Variants in CRYBG2 observed in about 807,000 individuals in gnomAD.
CRYBG2 encodes crystallin beta-gamma domain containing 2, also known as beta/gamma crystallin domain-containing protein 2.
In CRYBG2, 106 loss-of-function variants were observed where a neutral mutation model predicts 153.4. The observed-to-expected ratio is 0.69, with a 90% CI of 0.59 to 0.81. The LOEUF is 0.81. Among genes scored for constraint, CRYBG2 ranks in the 30% least tolerant of loss-of-function variants. The pLI, the probability that CRYBG2 is intolerant of heterozygous loss-of-function variation, is 0.00. For missense variants in CRYBG2, 1,996 were observed against 2,112.0 expected (o/e 0.95, Z 1.08); for synonymous variants, 851 against 877.8 (o/e 0.97, Z 0.54).
At chr1:26,335,943 T>C (rs2074048037) in intron 14 of CRYBG2, 152 bp downstream of exon 14, 1 of 584,460 alleles carries the variant, frequency 1.7e-6, no homozygotes, top group Non-Finnish European at 2.8e-6. Flanking sequence ...GTTTTACATT[T>C]TCCATTAAAA....
intron 5 of CRYBG2, among the ~76,000 whole-genome samples, chr1:26,341,546 G>A (rs2074130518): frequency 6.6e-6 from 1 of 151,966 alleles, no homozygotes; most frequent in Admixed American, 6.6e-5. Flanking sequence ...GAGTGCAATG[G>A]CATGATCTCA....
Position 26,338,491 on chromosome 1 carries a change from A to G in CRYBG2, c.3345-14T>C. On this transcript the variant is annotated splice_polypyrimidine_tract_variant and intron_variant, in intron 6 of 19. Transcript: ENST00000308182. ...TACAGTAGCCACCTAGGGGAAACAGAGAGGCTGCTGCACCCTAGCAGAGAG... is the reference window on the plus strand; with the variant it reads ...TACAGTAGCCACCTAGGGGAAACAGGGAGGCTGCTGCACCCTAGCAGAGAG... 1.3e-6 allele frequency: 2 copies of G among 1,593,498 alleles called. No individual in the cohort carries two copies. Among genetic ancestry groups the G allele is most frequent in the South Asian group, 2.3e-5 (2 of 87,434 alleles).
In CRYBG2 at chr1:26,343,856, C is replaced by A. The variant is rs1298731480; in HGVS notation, c.2802G>T (p.Leu934=). Residue 934 remains leucine, a synonymous_variant, in exon 2 of 20, where the codon CTG becomes CTT. Coordinates refer to ENST00000308182, the MANE Select transcript of CRYBG2 (RefSeq NM_001039775.4). The surrounding 1 kb of genome is among the most constrained non-coding windows in gnomAD (Gnocchi z 4.1). ...EPLGTKLSAL[L]PHGAPGLRKV... ...TCCTGAGCCCCGGTGCCCCATGGGGCAGCAGAGCAGATAGTTTTGTGCCCA... is the reference window on the plus strand; with the variant it reads ...TCCTGAGCCCCGGTGCCCCATGGGGAAGCAGAGCAGATAGTTTTGTGCCCA... 1.5e-5 allele frequency: 22 copies of A among 1,493,960 alleles called. No homozygotes were observed. The highest frequency in any genetic ancestry group is 6.8e-5 in the Admixed American group (3 of 43,986). The allele number at this position is 1,493,960 out of a possible 1,614,324, so 92.5% of individuals were successfully genotyped here.
At chr1:26,322,417 T>G in intron 18 of CRYBG2, 94 bp from the exon 19 acceptor site, 1 of 1,397,372 alleles carries the variant, frequency 7.2e-7, no homozygotes, top group East Asian at 2.4e-5. Flanking sequence ...GAATCCTGGC[T>G]CTTAGGGACT....
rs775383428 is a variant in CRYBG2 at position 26,338,389 on chromosome 1, A to G, written c.3433T>C (p.Ser1145Pro). 1 of 1,612,622 alleles carries G rather than the reference A, an allele frequency of 6.2e-7. No homozygotes were observed. The highest frequency in any genetic ancestry group is 8.5e-7 in the Non-Finnish European group (1 of 1,179,536). The change falls in exon 7 of 20, where the codon TCG becomes CCG. Residue 1145 changes from serine (S) to proline (P), a missense_variant. Coordinates refer to ENST00000308182, the MANE Select transcript of CRYBG2 (RefSeq NM_001039775.4). ...TTCAGGGAGCCCACGCTGGGGTCCGATGTGCCCCAGGCCTCTGAGGTGGGG... is the reference window on the plus strand; with the variant it reads ...TTCAGGGAGCCCACGCTGGGGTCCGGTGTGCCCCAGGCCTCTGAGGTGGGG... ...EYPTSEAWGT[S>P]DPSVGSLKPM...
At chr1:26,342,139 GC>G (rs1320484769) in intron 5 of CRYBG2, among the ~76,000 whole-genome samples, 1 of 152,136 alleles carries the variant, frequency 6.6e-6, no homozygotes, top group Admixed American at 6.5e-5. Flanking sequence ...CTGGGGGCCT[GC>G]ATGCTGGCTC....
In CRYBG2 at chr1:26,327,948, C is replaced by CA. The variant is rs71581056; in HGVS notation, c.4578+260dup. On this transcript the variant is annotated intron_variant, in intron 17 of 19. Transcript: ENST00000308182. ...TGTGGCAGAGCAAGACTCTGTCACA[C>CA]AAAAAAAAAAAAGAAAAAGAAAGAG... 3.2e-3 allele frequency among the ~76,000 whole-genome samples: 340 copies of CA among 105,020 alleles called. 3 individuals are homozygous for CA. The highest frequency in any genetic ancestry group is 5.0e-3 in the Admixed American group (45 of 9,034). The allele number at this position is 105,020 out of a possible 152,430, so 68.9% of individuals were successfully genotyped here. A position where few individuals can be genotyped will look rare whatever the true frequency, so the allele number is the denominator to read the frequency against.
intron 1 of CRYBG2, among the ~76,000 whole-genome samples, chr1:26,350,114 C>T (rs1421191657): frequency 2.0e-5 from 3 of 152,144 alleles, no homozygotes; most frequent in South Asian, 4.1e-4. Flanking sequence ...TGTGCCTGAC[C>T]GGACCAGTGG....
chr1:26,328,791 C>G lies in CRYBG2; in HGVS notation c.4397G>C (p.Ser1466Thr). ...KEIELSREVR[S>T]LQAEGFNNHV... ...GTTGTTGAAGCCCTCGGCTTGCAGG[C>G]TCCGCACCTCCCTGCTGAGCTCGAT... is the stretch of plus-strand genomic sequence containing the variant. Residue 1466 changes from serine (S) to threonine (T), a missense_variant, in exon 16 of 20, where the codon AGC becomes ACC. Coordinates refer to ENST00000308182, the MANE Select transcript of CRYBG2 (RefSeq NM_001039775.4). The G allele has an allele frequency of 6.2e-7, 1 of 1,614,150 alleles. No homozygotes were observed. Among genetic ancestry groups the G allele is most frequent in the Non-Finnish European group, 8.5e-7 (1 of 1,180,024 alleles).
rs571962261 is a variant in CRYBG2, at chr1:26,350,330, C to T, written c.-55-3618G>A. Among the ~76,000 whole-genome samples, 48 of 152,282 alleles carry T rather than the reference C, an allele frequency of 3.2e-4. 2 individuals carry two copies. In the South Asian group the frequency reaches 3.5e-3, roughly 11 times the overall value. On this transcript the variant is annotated intron_variant, in intron 1 of 19. Coordinates refer to ENST00000308182, the MANE Select transcript of CRYBG2 (RefSeq NM_001039775.4). ...TCCCTAGGAACTCTCAGGTGAATTT[C>T]TCTGTTTTACTAGTTGCAACAACAA...
At chr1:26,323,158 G>A (rs973838822) in intron 18 of CRYBG2, among the ~76,000 whole-genome samples, 3 of 149,378 alleles carry the variant, frequency 2.0e-5, no homozygotes, top group Admixed American at 1.3e-4. Context: ...ATAGCTTACC[G>A]CAGCCTCAAT....
In CRYBG2 at chr1:26,345,794, G is replaced by C; in HGVS notation, c.864C>G (p.Ser288Arg). 1 of 1,596,724 alleles carries C rather than the reference G, an allele frequency of 6.3e-7. No individual in the cohort carries two copies. The highest frequency in any genetic ancestry group is 8.5e-7 in the Non-Finnish European group (1 of 1,179,096). ...PETGTAELKD[S>R]SALASTGIPA... ...GGATGCCTGTAGAGGCCAGGGCAGA[G>C]CTGTCTTTAAGCTCTGCTGTCCCGG... is the stretch of plus-strand genomic sequence containing the variant. Residue 288 changes from serine to arginine, a missense_variant, in exon 2 of 20, where the codon AGC becomes AGG. By Grantham distance (110) the Ser-to-Arg change is moderately radical. Coordinates refer to ENST00000308182, the MANE Select transcript of CRYBG2 (RefSeq NM_001039775.4).
chr1:26,337,689 C>T lies in CRYBG2; in HGVS notation c.3508-15G>A. 6.2e-7 allele frequency: 1 copy of T among 1,608,314 alleles called. No individual in the cohort carries two copies. Among genetic ancestry groups the T allele is most frequent in the Non-Finnish European group, 8.5e-7 (1 of 1,179,552 alleles). ...TACACCACAGCCTGGGGGAAAGGGG[C>T]TGTCAGGAGTCATCTGGACCCAAAC... On this transcript the variant is annotated splice_polypyrimidine_tract_variant and intron_variant, in intron 8 of 19. Transcript: ENST00000308182.
rs2074081673 is a variant in CRYBG2 at position 26,337,889 on chromosome 1, C to T, written c.3507+123G>A. ...CCAGTGAGCCCATCAGGTCCCATCC[C>T]CCCAGACCGTGCTTCTGGCCCCCAG... On this transcript the variant is annotated intron_variant, in intron 8 of 19. Coordinates refer to ENST00000308182, the MANE Select transcript of CRYBG2 (RefSeq NM_001039775.4). 4.3e-6 allele frequency: 6 copies of T among 1,386,248 alleles called. No individual in the cohort carries two copies. The South Asian group carries it at 5.4e-5, about 12-fold the overall frequency. 85.9% of individuals were successfully genotyped at this position (1,386,248 alleles called of 1,614,324 possible). A position where few individuals can be genotyped will look rare whatever the true frequency, so the allele number is the denominator to read the frequency against.
chr1:26,336,998 G>C lies in CRYBG2; in HGVS notation c.3772-18C>G. ...CCGAAGTCCTGGGTCCCCAGGGACA[G>C]TCAGGTCTCTCCCGCCCACAAACCG... On this transcript the variant is annotated intron_variant, in intron 10 of 19. Coordinates refer to ENST00000308182, the MANE Select transcript of CRYBG2 (RefSeq NM_001039775.4). This position sits in a 1 kb window ranked among gnomAD's most constrained non-coding sequence, Gnocchi z 4.9. 6.2e-7 allele frequency: 1 copy of C among 1,613,036 alleles called. No homozygotes were observed. Among genetic ancestry groups the C allele is most frequent in the South Asian group, 1.1e-5 (1 of 90,958 alleles).
Position 26,328,223 on chromosome 1 carries a change from A to G in CRYBG2, c.4564T>C (p.Tyr1522His). Residue 1522 changes from tyrosine (Y) to histidine (H), a missense_variant, in exon 17 of 20, where the codon TAC (tyrosine) becomes CAC (histidine). Tyr to His is a moderately conservative substitution (Grantham distance 83). Coordinates refer to ENST00000308182, the MANE Select transcript of CRYBG2 (RefSeq NM_001039775.4). ...YSGTQRVGSLYPIKQRRVYFR... is the reference protein window; with the variant it reads ...YSGTQRVGSLHPIKQRRVYFR... ...ACGCTACCCACCTGCTTGATGGGGT[A>G]GAGGGAGCCCACCCTCTGGGTGCCG... The G allele has an allele frequency of 6.4e-7, 1 of 1,565,084 alleles. No homozygotes were observed. Among genetic ancestry groups the G allele is most frequent in the Non-Finnish European group, 8.7e-7 (1 of 1,154,818 alleles).
At chr1:26,327,481 CA>C (rs67397717) in intron 17 of CRYBG2, among the ~76,000 whole-genome samples, 98,964 of 148,530 alleles carry the variant, frequency 0.67, 33,313 homozygotes, top group African/African-American at 0.78. Context: ...AAACAAAAAA[CA>C]AAAAAAAAAA....
chr1:26,327,329 G>A (rs1262573302), intron 17 of CRYBG2, among the ~76,000 whole-genome samples: 1 of 152,056 alleles, frequency 6.6e-6, no homozygotes, highest in Non-Finnish European at 1.5e-5. Context: ...TTAGCCGGGT[G>A]TGGTGGCAGG....
chr1:26,348,383 T>A (rs997351471), intron 1 of CRYBG2, among the ~76,000 whole-genome samples: 4 of 152,022 alleles, frequency 2.6e-5, no homozygotes, highest in Non-Finnish European at 5.9e-5. Flanking sequence ...ATAAAAAGAC[T>A]CTACAAGTCT....
Sources: allele counts gnomAD v4.1 joint callset (sites outside exome capture counted in the v4.1 genomes callset), GRCh38; gene constraint gnomAD v4.1.1; non-coding constraint Gnocchi (gnomAD v3.1); transcripts MANE v1.5; gene names NCBI Gene and HGNC (gene_info 2026-07-23, HGNC 2026-07-21).